Variants in URGCP observed in about 807,000 individuals in gnomAD.
URGCP encodes the protein upregulator of cell proliferation.
In URGCP, 13 loss-of-function variants were observed where a neutral mutation model predicts 24.6. The observed-to-expected ratio is 0.53, with a 90% confidence interval of 0.34 to 0.84. URGCP has a LOEUF of 0.84. Among genes scored for constraint, URGCP ranks in the 40% least tolerant of loss-of-function variants. The pLI, the probability that URGCP is intolerant of heterozygous loss-of-function variation, is 0.01. For synonymous variants in URGCP, 444 were observed against 487.2 expected (o/e 0.91, Z 1.17); for missense variants, 899 against 1,194.3 (o/e 0.75, Z 3.64).
At position 43,876,529 on chromosome 7, in the gene URGCP, C is replaced by CCA; in HGVS notation, c.*137_*138insTG. ...TAACACTGTTGAGGAGACTCCAAACCCTGTCTTTTCCTCGTCTTCTCATGT... is the reference window on the plus strand; with the variant it reads ...TAACACTGTTGAGGAGACTCCAAACCCACTGTCTTTTCCTCGTCTTCTCATGT... On this transcript the variant is annotated 3_prime_UTR_variant, in exon 6 of 6. Coordinates refer to ENST00000453200, the MANE Select transcript of URGCP (RefSeq NM_001077663.3). The CCA allele has an allele frequency of 2.2e-6, 2 of 928,588 alleles. No homozygotes were observed. The highest frequency in any genetic ancestry group is 3.3e-6 in the Non-Finnish European group (2 of 610,846). The allele number at this position is 928,588 out of a possible 1,614,324, so 57.5% of individuals were successfully genotyped here. A position where few individuals can be genotyped will look rare whatever the true frequency, so the allele number is the denominator to read the frequency against.
intron 5 of URGCP, chr7:43,881,220 G>A: frequency 1.4e-6 from 1 of 702,882 alleles, no homozygotes; most frequent in Admixed American, 2.0e-5. Context: ...AAACACTTCT[G>A]CCCAGTGTGT....
upstream of URGCP, chr7:43,907,003 ACTT>A (rs1281170987): frequency 6.5e-6 from 1 of 152,940 alleles, no homozygotes; most frequent in Non-Finnish European, 1.5e-5. Flanking sequence ...TAACTTTCCT[ACTT>A]CTTACTTGCA....
chr7:43,925,742 C>G (rs983289593), intron 1 of URGCP, among the ~76,000 whole-genome samples: 1 of 149,354 alleles, frequency 6.7e-6, no homozygotes, highest in Non-Finnish European at 1.5e-5. Flanking sequence ...TCAAGTGATC[C>G]GCCTGCCTCG....
intron 1 of URGCP, among the ~76,000 whole-genome samples, chr7:43,923,225 G>A (rs781710579): frequency 7.4e-5 from 11 of 149,620 alleles, no homozygotes; most frequent in East Asian, 5.9e-4. Flanking sequence ...CTCATGATCT[G>A]CCCTCTTTGG....
At chr7:43,888,363 G>A (rs2528394) in intron 1 of URGCP, 70,667 of 151,884 alleles carry the variant, frequency 0.47, 16,728 homozygotes, top group South Asian at 0.64. Context: ...TTAGCCAGGC[G>A]TGGTGGCAGG....
Position 43,878,929 on chromosome 7 carries a change from A to G in URGCP, c.534T>C (p.Asp178=), listed in dbSNP as rs1353003311. 1 of 1,614,236 alleles carries G rather than the reference A, an allele frequency of 6.2e-7. No individual in the cohort carries two copies. The highest frequency in any genetic ancestry group is 2.2e-5 in the East Asian group (1 of 44,880). The change falls in exon 6 of 6, where the codon GAT becomes GAC. Residue 178 remains aspartate (D), a synonymous_variant. Transcript: ENST00000453200. The surrounding 1 kb of genome is among the most constrained non-coding windows in gnomAD (Gnocchi z 5.6). ...GAAGGTCTAAGGGGTTCACTGGCGT[A>G]TCAGGGGTGGGCAGCTCAGAAAAGG... is the stretch of plus-strand genomic sequence containing the variant. The part of the protein sequence containing the change: ...IYSFSELPTP[D]TPVNPLDLLC...
At chr7:43,911,120 G>A (rs1205145128), upstream of URGCP, among the ~76,000 whole-genome samples, 1 of 152,086 alleles carries the variant, frequency 6.6e-6, no homozygotes. Context: ...AACTGGACCA[G>A]CCAGTCACGG....
chr7:43,920,255 AT>A (rs550933089), intron 1 of URGCP, among the ~76,000 whole-genome samples: 1 of 152,162 alleles, frequency 6.6e-6, no homozygotes, highest in Non-Finnish European at 1.5e-5. Context: ...ATATAAATAA[AT>A]TTTTTTTAAA....
chr7:43,898,291 G>A (rs1331189869), intron 1 of URGCP, among the ~76,000 whole-genome samples: 1 of 152,172 alleles, frequency 6.6e-6, no homozygotes, highest in African/African-American at 2.4e-5. Flanking sequence ...GTAAGCCGGG[G>A]ACATACAAAG....
At chr7:43,921,446 T>C in intron 1 of URGCP, among the ~76,000 whole-genome samples, 1 of 152,268 alleles carries the variant, frequency 6.6e-6, no homozygotes, top group East Asian at 1.9e-4. Flanking sequence ...TCATGTGACT[T>C]TAATCCTTGA....
At chr7:43,909,451 G>A (rs979821647), upstream of URGCP, among the ~76,000 whole-genome samples, 2 of 152,190 alleles carry the variant, frequency 1.3e-5, no homozygotes, top group Non-Finnish European at 2.9e-5. Context: ...TTTAGGCCAG[G>A]TACGGTGGCT....
intron 4 of URGCP, 85 bp downstream of exon 4, chr7:43,881,822 C>A: frequency 1.2e-6 from 2 of 1,606,108 alleles, no homozygotes; most frequent in South Asian, 1.1e-5. Context: ...CCCAATTGTT[C>A]TAAATATAAA....
chr7:43,891,644 C>G (rs1034381403), intron 1 of URGCP, among the ~76,000 whole-genome samples: 3 of 152,204 alleles, frequency 2.0e-5, no homozygotes, highest in Admixed American at 2.0e-4. Context: ...CCACAGCAAG[C>G]CTTTGTCTCC....
chr7:43,877,529 T>C lies in URGCP; in HGVS notation c.1934A>G (p.His645Arg). 6.2e-7 allele frequency: 1 copy of C among 1,613,006 alleles called. No individual in the cohort carries two copies. The highest frequency in any genetic ancestry group is 8.5e-7 in the Non-Finnish European group (1 of 1,180,026). ...CAGCTCCGAGGCCAAGCCTGGGAAG[T>C]GGGCAAAACGCCTCTGGCCTGCCGG... ...RLPAGQRRFA[H>R]FPGLASELLL... The change falls in exon 6 of 6, where the codon CAC becomes CGC. Residue 645 changes from histidine (H) to arginine (R), a missense_variant. Transcript: ENST00000453200.
intron 1 of URGCP, 22 bp downstream of exon 1, chr7:43,906,540 G>C (rs1459058589): frequency 3.3e-6 from 4 of 1,227,464 alleles, no homozygotes; most frequent in Non-Finnish European, 4.1e-6. Flanking sequence ...CGGGGGCGCA[G>C]GGCCTGCGAG....
upstream of URGCP, chr7:43,926,676 G>C (rs551171641): frequency 1.8e-6 from 2 of 1,115,412 alleles, no homozygotes; most frequent in Admixed American, 6.7e-5. Flanking sequence ...ACACCTGCCT[G>C]GGAAGGAGGC....
intron 1 of URGCP, among the ~76,000 whole-genome samples, chr7:43,897,330 AGGTT>A (rs1324131661): frequency 2.6e-5 from 4 of 152,386 alleles, no homozygotes; most frequent in Admixed American, 2.0e-4. Flanking sequence ...AGCGCAGAGC[AGGTT>A]GGCTGGAGAA....
chr7:43,905,048 CA>C (rs1407612141), intron 1 of URGCP, among the ~76,000 whole-genome samples: 4 of 152,236 alleles, frequency 2.6e-5, no homozygotes, highest in Non-Finnish European at 5.9e-5. Context: ...GGGGGTCACA[CA>C]AATAATCACA....
At position 43,920,702 on chromosome 7, in the gene URGCP, C is replaced by T. The variant is rs113090959; in HGVS notation, c.-116+5430G>A. On this transcript the variant is annotated intron_variant, in intron 1 of 5. Transcript: ENST00000426198. ...TGTCTTGCTACCCTTAATGCATGCA[C>T]GAGGCCCTAAAATAATTTCTGATGG... Among the ~76,000 whole-genome samples, 1,189 of 152,168 alleles carry T rather than the reference C, an allele frequency of 7.8e-3. 21 individuals are homozygous for T. Among genetic ancestry groups the T allele is most frequent in the African/African-American group, 0.026 (1,086 of 41,498 alleles).
Sources: gnomAD v4.1 joint callset for allele counts (sites outside exome capture counted in the v4.1 genomes callset) on GRCh38, gnomAD v4.1.1 for gene constraint, Gnocchi (gnomAD v3.1) non-coding constraint, MANE v1.5 for transcripts, NCBI Gene and HGNC (gene_info 2026-07-23, HGNC 2026-07-21) for gene names.